The following ZNG1F variants were observed in gnomAD, a reference collection of about 807,000 sequenced individuals.
The protein encoded by ZNG1F is zinc-regulated GTPase metalloprotein activator 1F.
At chr9:41,134,224 G>A in the ZNG1F span, among the ~76,000 whole-genome samples, 1 of 143,378 alleles carries the variant, frequency 7.0e-6, no homozygotes, top group Non-Finnish European at 1.5e-5. Flanking sequence ...AAGCTACCCA[G>A]AGCCAGGAAT....
At chr9:41,202,217 T>G in the ZNG1F span, among the ~76,000 whole-genome samples, 3 of 147,414 alleles carry the variant, frequency 2.0e-5, no homozygotes, top group South Asian at 4.4e-4. Context: ...ACTTCTGAGG[T>G]TGCCAGAATG....
chr9:41,175,075 C>G, the ZNG1F span, among the ~76,000 whole-genome samples: 1 of 143,540 alleles, frequency 7.0e-6, no homozygotes, highest in African/African-American at 2.6e-5. Flanking sequence ...GCATCACAGG[C>G]CCAGTTAGTG....
chr9:41,138,804 T>C, the ZNG1F span, among the ~76,000 whole-genome samples: 1 of 114,222 alleles, frequency 8.8e-6, no homozygotes. Flanking sequence ...TATAAGTATG[T>C]CCATTATTTC....
chr9:41,198,381 A>G, the ZNG1F span, among the ~76,000 whole-genome samples: 80 of 149,334 alleles, frequency 5.4e-4, no homozygotes, highest in African/African-American at 1.8e-3. Context: ...CAGCCTGGGC[A>G]ATAACAGAGA....
At chr9:41,178,970 G>A in the ZNG1F span, among the ~76,000 whole-genome samples, 1 of 118,408 alleles carries the variant, frequency 8.4e-6, no homozygotes, top group Non-Finnish European at 1.8e-5. Flanking sequence ...AGATTCAAAG[G>A]ACAGGCTGAC....
chr9:41,138,759 C>A, the ZNG1F span, among the ~76,000 whole-genome samples: 801 of 69,894 alleles, frequency 0.011, 18 homozygotes, highest in African/African-American at 0.053. Flanking sequence ...TTGTTCAATT[C>A]TATTGCTAAG....
chr9:41,154,748 G>T, the ZNG1F span, among the ~76,000 whole-genome samples: 4 of 150,182 alleles, frequency 2.7e-5, 1 homozygote, highest in African/African-American at 9.8e-5. Flanking sequence ...AAAACAAGCA[G>T]TGGGGAAAGA....
At chr9:41,138,814 C>T in the ZNG1F span, among the ~76,000 whole-genome samples, 1 of 117,254 alleles carries the variant, frequency 8.5e-6, no homozygotes, top group Non-Finnish European at 1.7e-5. Flanking sequence ...TCCATTATTT[C>T]CTAAAGTTTT....
At chr9:41,169,884 C>T in the ZNG1F span, among the ~76,000 whole-genome samples, 1 of 139,874 alleles carries the variant, frequency 7.1e-6, no homozygotes, top group African/African-American at 2.8e-5. Context: ...CAAAGGAACT[C>T]TCTGAAATAA....
chr9:41,183,679 A>C, the ZNG1F span: 1 of 1,606,426 alleles, frequency 6.2e-7, no homozygotes, highest in African/African-American at 1.4e-5. Flanking sequence ...AATAACAAAC[A>C]ATAAATAAAC....
chr9:41,155,057 G>T, the ZNG1F span, among the ~76,000 whole-genome samples: 2 of 150,604 alleles, frequency 1.3e-5, no homozygotes, highest in African/African-American at 4.9e-5. Context: ...TACCATCAGA[G>T]TGAACAGGCA....
At chr9:41,140,887 G>C in the ZNG1F span, among the ~76,000 whole-genome samples, 1 of 150,060 alleles carries the variant, frequency 6.7e-6, no homozygotes, top group African/African-American at 2.5e-5. Context: ...CACCATGCCT[G>C]GCTAATTTTT....
At chr9:41,173,746 C>A in the ZNG1F span, among the ~76,000 whole-genome samples, 1 of 105,008 alleles carries the variant, frequency 9.5e-6, no homozygotes, top group Non-Finnish European at 2.1e-5. Context: ...TTAAAGAAAA[C>A]CTTAGTGGAA....
chr9:41,132,056 G>C, the ZNG1F span: 2 of 1,477,602 alleles, frequency 1.4e-6, no homozygotes, highest in Non-Finnish European at 1.8e-6. Context: ...AAGAACAAAA[G>C]TCCTAACAAG....
chr9:41,136,504 G>T, the ZNG1F span, among the ~76,000 whole-genome samples: 96 of 29,222 alleles, frequency 3.3e-3, 46 homozygotes, highest in Admixed American at 8.1e-3. Flanking sequence ...TGGTATTAGG[G>T]TGATACTGGC....
At chr9:41,150,125 C>T in the ZNG1F span, among the ~76,000 whole-genome samples, 5 of 86,272 alleles carry the variant, frequency 5.8e-5, no homozygotes, top group African/African-American at 1.5e-4. Flanking sequence ...GCTCCATCCG[C>T]GAGCCAAAGC....
chr9:41,169,785 A>T, the ZNG1F span, among the ~76,000 whole-genome samples: 5 of 148,684 alleles, frequency 3.4e-5, 1 homozygote, highest in African/African-American at 1.3e-4. Flanking sequence ...AATGTTTGAT[A>T]ATGTAATTCA....
At chr9:41,174,248 A>AAAC in the ZNG1F span, 2 of 1,498,158 alleles carry the variant, frequency 1.3e-6, no homozygotes, top group Admixed American at 2.2e-5. Context: ...AAAAAAAAAA[A>AAAC]AAAAAAAAAC....
At chr9:41,140,224 G>T in the ZNG1F span, among the ~76,000 whole-genome samples, 1 of 143,052 alleles carries the variant, frequency 7.0e-6, no homozygotes, top group East Asian at 2.1e-4. Flanking sequence ...CACAAACCTA[G>T]ATGGTATAAC....
Sources: allele counts gnomAD v4.1 joint callset (sites outside exome capture counted in the v4.1 genomes callset), GRCh38; gene constraint gnomAD v4.1.1; transcripts MANE v1.5; gene names NCBI Gene and HGNC (gene_info 2026-07-23, HGNC 2026-07-21).